Variants in SCN9A observed in about 807,000 individuals in gnomAD.
SCN9A encodes the protein sodium channel protein type 9 subunit alpha.
Under a neutral mutation model 187.0 loss-of-function variants are expected in SCN9A, and 131 were observed. The ratio of observed to expected loss-of-function variants is 0.70; its 90% confidence interval spans 0.61 to 0.81. SCN9A has a LOEUF of 0.81. Ranked by LOEUF, SCN9A falls within the 30% of genes least tolerant of loss-of-function variation. The pLI, the probability that SCN9A is intolerant of heterozygous loss-of-function variation, is 0.00. For synonymous variants in SCN9A, 809 were observed against 808.6 expected (o/e 1.00, Z -0.01); for missense variants, 2,252 against 2,396.6 (o/e 0.94, Z 1.26).
At chr2:166,258,163 A>G (rs1696357758) in intron 17 of SCN9A, among the ~76,000 whole-genome samples, 1 of 151,522 alleles carries the variant, frequency 6.6e-6, no homozygotes, top group Non-Finnish European at 1.5e-5. Flanking sequence ...TCCTGCCCCC[A>G]TCCTAGAACT....
At chr2:166,205,866 T>C (rs7556880) in intron 24 of SCN9A, among the ~76,000 whole-genome samples, 131,043 of 152,166 alleles carry the variant, frequency 0.86, 56,916 homozygotes, top group African/African-American at 0.93. Context: ...TATGAACAGG[T>C]ACTTCTCAAA....
chr2:166,362,374 GT>G lies in SCN9A; in HGVS notation c.-51+13322del, dbSNP rs560255202. 2.9e-3 allele frequency among the ~76,000 whole-genome samples: 445 copies of G among 152,116 alleles called. 2 individuals carry two copies. The highest frequency in any genetic ancestry group is 9.9e-3 in the African/African-American group (410 of 41,542). ...AATCTGGGAATATGATGAAACTCAT[GT>G]GATATTGTTTAAAATGCATTCTCTT... On this transcript the variant is annotated intron_variant, in intron 1 of 26. Coordinates refer to ENST00000642356, the MANE Select transcript of SCN9A (RefSeq NM_001365536.1).
At chr2:166,308,604 G>A (rs1698835050) in intron 2 of SCN9A, among the ~76,000 whole-genome samples, 1 of 152,090 alleles carries the variant, frequency 6.6e-6, no homozygotes, top group South Asian at 2.1e-4. Context: ...CCCAGTCTCA[G>A]GTAGTTCTTT....
chr2:166,297,227 A>AAAAAAAAAAAAAAAG (rs1698354900), intron 7 of SCN9A, among the ~76,000 whole-genome samples: 1 of 140,502 alleles, frequency 7.1e-6, no homozygotes, highest in Non-Finnish European at 1.5e-5. Flanking sequence ...AAAAAAAAAA[A>AAAAAAAAAAAAAAAG]GAACCATGAC....
At chr2:166,235,315 C>T (rs918930519) in intron 20 of SCN9A, among the ~76,000 whole-genome samples, 3 of 151,976 alleles carry the variant, frequency 2.0e-5, no homozygotes, top group Non-Finnish European at 4.4e-5. Context: ...AATATATATG[C>T]ATATATATTC....
chr2:166,361,460 C>T (rs1259973124), intron 1 of SCN9A, among the ~76,000 whole-genome samples: 1 of 152,088 alleles, frequency 6.6e-6, no homozygotes, highest in African/African-American at 2.4e-5. Flanking sequence ...CACACACAGC[C>T]ATTTTAGTCC....
chr2:166,351,916 A>G (rs527792590), intron 1 of SCN9A, among the ~76,000 whole-genome samples: 2 of 152,300 alleles, frequency 1.3e-5, no homozygotes, highest in African/African-American at 4.8e-5. Flanking sequence ...ATGATACTTG[A>G]AAAAATTTAA....
chr2:166,358,352 G>A (rs1700201955), intron 1 of SCN9A, among the ~76,000 whole-genome samples: 1 of 151,878 alleles, frequency 6.6e-6, no homozygotes, highest in Admixed American at 6.6e-5. Context: ...TCACAAACAT[G>A]AGCCACCACA....
intron 11 of SCN9A, 80 bp from the exon 12 acceptor site, chr2:166,284,904 A>C: frequency 3.5e-6 from 5 of 1,428,552 alleles, no homozygotes; most frequent in Non-Finnish European, 3.7e-6. Context: ...CACTGAACCC[A>C]CTGGCCTGAG....
At position 166,226,474 on chromosome 2, in the gene SCN9A, A is replaced by G. The variant is rs1017185422; in HGVS notation, c.4398+93T>C. ...AAATGAAGTTCTAATAAAATTAATC[A>G]TGAATTGATATCAAATTAAACTTTA... On this transcript the variant is annotated intron_variant, in intron 24 of 26. Transcript: ENST00000642356. The G allele has an allele frequency of 8.2e-6, 7 of 851,204 alleles. No individual in the cohort carries two copies. The African/African-American group carries it at 1.2e-4, about 15-fold the overall frequency. The allele number at this position is 851,204 out of a possible 1,614,324, so 52.7% of individuals were successfully genotyped here.
At chr2:166,343,059 T>C (rs1398863425) in intron 1 of SCN9A, among the ~76,000 whole-genome samples, 1 of 152,234 alleles carries the variant, frequency 6.6e-6, no homozygotes, top group Non-Finnish European at 1.5e-5. Context: ...TTCTAGAGCC[T>C]GTAAAATTAA....
At chr2:166,324,938 A>G (rs1699328565) in intron 1 of SCN9A, among the ~76,000 whole-genome samples, 1 of 152,182 alleles carries the variant, frequency 6.6e-6, no homozygotes, top group African/African-American at 2.4e-5. Context: ...TGAAAAACTA[A>G]GGAACTCTGA....
intron 24 of SCN9A, among the ~76,000 whole-genome samples, chr2:166,213,196 G>C (rs1160457409): frequency 6.6e-6 from 1 of 151,528 alleles, no homozygotes; most frequent in Admixed American, 6.6e-5. Context: ...ACTAAGAATT[G>C]GTTTTTTCGA....
In SCN9A at chr2:166,278,208, T is replaced by A; in HGVS notation, c.2449A>T (p.Thr817Ser). The change falls in exon 15 of 27, where the codon ACT (threonine) becomes TCT (serine). Residue 817 changes from threonine (T) to serine (S), a missense_variant. Coordinates refer to ENST00000642356, the MANE Select transcript of SCN9A (RefSeq NM_001365536.1). ...GWNIFDSLIV[T>S]LSLVELFLAD... ...AGAAAGAGCTCCACTAAACTTAAAGTCACAATAAGGCTGTCAAAAATATTC... is the reference window on the plus strand; with the variant it reads ...AGAAAGAGCTCCACTAAACTTAAAGACACAATAAGGCTGTCAAAAATATTC... The A allele has an allele frequency of 1.2e-6, 2 of 1,613,204 alleles. No individual in the cohort carries two copies. The highest frequency in any genetic ancestry group is 1.7e-6 in the Non-Finnish European group (2 of 1,179,606).
chr2:166,283,835 T>C (rs538795289), intron 12 of SCN9A, among the ~76,000 whole-genome samples: 1 of 152,290 alleles, frequency 6.6e-6, no homozygotes, highest in South Asian at 2.1e-4. Flanking sequence ...GAGCACAAGA[T>C]CTGAAACAGA....
At chr2:166,311,343 T>TAC (rs2105225471) in intron 2 of SCN9A, among the ~76,000 whole-genome samples, 156 bp downstream of exon 2, 1 of 69,752 alleles carries the variant, frequency 1.4e-5, no homozygotes, top group South Asian at 5.1e-4. Flanking sequence ...TATATATATA[T>TAC]ATATATATAT....
At chr2:166,218,109 A>G (rs1298805461) in intron 24 of SCN9A, among the ~76,000 whole-genome samples, 1 of 151,996 alleles carries the variant, frequency 6.6e-6, no homozygotes, top group African/African-American at 2.4e-5. Context: ...AGAAAATGTG[A>G]TAGGTATGCA....
At chr2:166,253,497 G>A (rs772624352) in intron 17 of SCN9A, among the ~76,000 whole-genome samples, 8 of 151,534 alleles carry the variant, frequency 5.3e-5, no homozygotes, top group Admixed American at 4.6e-4. Flanking sequence ...TATAGAATAG[G>A]CTTTAAAGTA....
At chr2:166,290,735 T>G (rs538778114) in intron 9 of SCN9A, among the ~76,000 whole-genome samples, 2 of 152,246 alleles carry the variant, frequency 1.3e-5, no homozygotes, top group African/African-American at 4.8e-5. Flanking sequence ...TCTGTTCATA[T>G]CCTTTGCCCA....
Sources: allele counts gnomAD v4.1 joint callset (sites outside exome capture counted in the v4.1 genomes callset), GRCh38; gene constraint gnomAD v4.1.1; transcripts MANE v1.5; gene names NCBI Gene and HGNC (gene_info 2026-07-23, HGNC 2026-07-21).